Variants in MED13L observed in about 807,000 individuals in gnomAD.
MED13L encodes mediator of RNA polymerase II transcription subunit 13-like.
A neutral mutation model predicts 220.9 loss-of-function variants in MED13L; 7 were observed. That is an observed-to-expected ratio of 0.03 (90% CI 0.02 to 0.06). The LOEUF is 0.06. Ranked by LOEUF, MED13L falls within the 10% of genes least tolerant of loss-of-function variation. MED13L has a pLI of 1.00. For synonymous variants in MED13L, 1,011 were observed against 1,015.2 expected, an observed-to-expected ratio of 1.00 and a Z score of 0.08; for missense variants, 1,965 against 2,760.5, an observed-to-expected ratio of 0.71 and a Z score of 6.46.
chr12:116,036,066 A>G (rs1391398384), intron 4 of MED13L, among the ~76,000 whole-genome samples: 1 of 152,216 alleles, frequency 6.6e-6, no homozygotes, highest in Non-Finnish European at 1.5e-5. Flanking sequence ...TGTGAGCTCC[A>G]TGAGGGTAGA....
intron 4 of MED13L, among the ~76,000 whole-genome samples, chr12:116,086,323 G>A (rs1871684891): frequency 7.5e-6 from 1 of 133,230 alleles, no homozygotes; most frequent in African/African-American, 2.8e-5. Context: ...CATTCTTGTT[G>A]CCCAGGCTTG....
chr12:116,057,751 G>A (rs1487692440), intron 4 of MED13L, among the ~76,000 whole-genome samples: 1 of 151,864 alleles, frequency 6.6e-6, no homozygotes, highest in Non-Finnish European at 1.5e-5. Flanking sequence ...ACTTACTAAA[G>A]TTGATTCTCA....
At chr12:116,165,017 G>A (rs536699985) in intron 2 of MED13L, among the ~76,000 whole-genome samples, 53 of 152,168 alleles carry the variant, frequency 3.5e-4, no homozygotes, top group Non-Finnish European at 7.2e-4. Flanking sequence ...AAGCATATCT[G>A]CAATACATGG....
chr12:116,182,190 A>T (rs1010135988), intron 2 of MED13L, among the ~76,000 whole-genome samples: 1 of 152,144 alleles, frequency 6.6e-6, no homozygotes. Flanking sequence ...CTATGCCTGA[A>T]CCTGTGCTGT....
intron 1 of MED13L, among the ~76,000 whole-genome samples, chr12:116,259,120 T>C (rs1041908848): frequency 2.0e-5 from 3 of 152,180 alleles, no homozygotes. Flanking sequence ...ACGTTTCTCA[T>C]AGTTGATGGT....
intron 4 of MED13L, among the ~76,000 whole-genome samples, chr12:116,032,301 CAAT>C (rs1370226212): frequency 6.6e-6 from 1 of 151,978 alleles, no homozygotes; most frequent in Non-Finnish European, 1.5e-5. Flanking sequence ...ATAGCCAACC[CAAT>C]TTTAAAGAAA....
chr12:116,102,710 C>CTTTTTTTTTTTTTTTTTTTTTT (rs869201518), intron 3 of MED13L, among the ~76,000 whole-genome samples: 11 of 68,682 alleles, frequency 1.6e-4, no homozygotes, highest in Non-Finnish European at 2.4e-4. Flanking sequence ...TTTCTTTTTT[C>CTTTTTTTTTTTTTTTTTTTTTT]TTTTTTTTTT....
chr12:116,006,260 T>TGA, intron 12 of MED13L, 46 bp downstream of exon 12: 1 of 1,537,432 alleles, frequency 6.5e-7, no homozygotes, highest in Non-Finnish European at 9.0e-7. Context: ...CCTTTGCATT[T>TGA]CATTTTAGCA....
rs577926901 is a variant in MED13L at position 116,085,510 on chromosome 12, C to T, written c.479+11159G>A. On this transcript the variant is annotated intron_variant, in intron 4 of 30. Transcript: ENST00000281928. ...AGATTACTTTTCAAACCTCATTTAC[C>T]ATTTTGATCCTAAAGCATATGAAAT... Among the ~76,000 whole-genome samples, 41 of 152,062 alleles carry T rather than the reference C, an allele frequency of 2.7e-4. 2 individuals carry two copies. In the South Asian group the frequency reaches 7.7e-3, roughly 28 times the overall value.
intron 4 of MED13L, among the ~76,000 whole-genome samples, chr12:116,072,176 T>C (rs948790133): frequency 1.3e-5 from 2 of 152,126 alleles, no homozygotes; most frequent in Non-Finnish European, 2.9e-5. Context: ...TGTAGGGAAA[T>C]ACAGTCAGGA....
chr12:116,116,269 C>A (rs1593062384), intron 2 of MED13L, among the ~76,000 whole-genome samples: 1 of 152,194 alleles, frequency 6.6e-6, no homozygotes, highest in Non-Finnish European at 1.5e-5. Flanking sequence ...GGGAGAAGCG[C>A]TGAAAGTTGA....
intron 14 of MED13L, among the ~76,000 whole-genome samples, chr12:115,997,886 A>G (rs1245409515): frequency 6.6e-6 from 1 of 152,248 alleles, no homozygotes; most frequent in African/African-American, 2.4e-5. Flanking sequence ...GATAGTTACC[A>G]CTACTAAAGT....
At chr12:116,209,162 T>C (rs1882536824) in intron 2 of MED13L, among the ~76,000 whole-genome samples, 1 of 152,176 alleles carries the variant, frequency 6.6e-6, no homozygotes, top group South Asian at 2.1e-4. Context: ...TCATCAATGA[T>C]TATGAGGCAT....
intron 2 of MED13L, among the ~76,000 whole-genome samples, chr12:116,214,292 G>A (rs565729755): frequency 1.3e-5 from 2 of 152,238 alleles, no homozygotes; most frequent in African/African-American, 2.4e-5. Context: ...TTGTAGTCAT[G>A]GTAACAAAAA....
chr12:116,058,782 A>G (rs371602502), intron 4 of MED13L, among the ~76,000 whole-genome samples: 76 of 152,320 alleles, frequency 5.0e-4, no homozygotes, highest in Middle Eastern at 3.4e-3. Flanking sequence ...ATGGACTTCT[A>G]TATTTAGCAT....
intron 2 of MED13L, among the ~76,000 whole-genome samples, chr12:116,116,776 C>A (rs1422722190): frequency 6.6e-6 from 1 of 151,654 alleles, no homozygotes; most frequent in East Asian, 2.0e-4. Context: ...GTGTCCCCTG[C>A]AAAACTGATT....
chr12:116,035,909 T>C (rs1358123337), intron 4 of MED13L, among the ~76,000 whole-genome samples: 1 of 152,162 alleles, frequency 6.6e-6, no homozygotes, highest in Non-Finnish European at 1.5e-5. Context: ...AAGAAATTTG[T>C]TTTCACTCTA....
intron 2 of MED13L, among the ~76,000 whole-genome samples, chr12:116,190,844 C>T (rs1232504185): frequency 6.6e-6 from 1 of 152,152 alleles, no homozygotes; most frequent in Non-Finnish European, 1.5e-5. Flanking sequence ...GTAATCCCAG[C>T]ACCGTGGGAG....
intron 2 of MED13L, among the ~76,000 whole-genome samples, chr12:116,116,405 G>T (rs546616334): frequency 6.6e-6 from 1 of 152,296 alleles, no homozygotes; most frequent in African/African-American, 2.4e-5. Flanking sequence ...GACACATGGA[G>T]GTTCTTGGAG....
Sources: allele counts gnomAD v4.1 joint callset (sites outside exome capture counted in the v4.1 genomes callset), GRCh38; gene constraint gnomAD v4.1.1; transcripts MANE v1.5; gene names NCBI Gene and HGNC (gene_info 2026-07-23, HGNC 2026-07-21).